Variants in EPB41 observed in about 807,000 individuals in gnomAD.
EPB41 encodes the protein protein 4.1.
In EPB41, 65 loss-of-function variants were observed where a neutral mutation model predicts 108.0. That is an observed-to-expected ratio of 0.60 (90% CI 0.49 to 0.74). EPB41 has a LOEUF of 0.74. Ranked by LOEUF, EPB41 falls within the 30% of genes least tolerant of loss-of-function variation. The pLI is 0.00. For synonymous variants in EPB41, 336 were observed against 358.9 expected, an observed-to-expected ratio of 0.94 and a Z score of 0.72; for missense variants, 875 against 1,037.0, an observed-to-expected ratio of 0.84 and a Z score of 2.15.
intron 1 of EPB41, among the ~76,000 whole-genome samples, chr1:28,936,842 T>C (rs1170687919): frequency 6.6e-6 from 1 of 152,252 alleles, no homozygotes; most frequent in African/African-American, 2.4e-5. Context: ...TTTGTGCTTT[T>C]TGGCTATTAT....
chr1:28,972,017 C>T (rs1288257752), intron 1 of EPB41, among the ~76,000 whole-genome samples: 1 of 152,120 alleles, frequency 6.6e-6, no homozygotes. Flanking sequence ...ACCTCAGGCT[C>T]ACCACCCCAT....
chr1:28,993,206 T>C, intron 2 of EPB41, 124 bp from the exon 3 acceptor site: 1 of 780,378 alleles, frequency 1.3e-6, no homozygotes, highest in East Asian at 2.5e-5. Context: ...ATATTTAATA[T>C]TAATGTCACC....
At chr1:29,054,589 C>A (rs777369385) in intron 12 of EPB41, 10 of 148,544 alleles carry the variant, frequency 6.7e-5, no homozygotes, top group Non-Finnish European at 1.3e-4. Context: ...GAGGCTCTCA[C>A]CTGTAATCCT....
At chr1:29,094,088 C>T (rs1279240885) in intron 16 of EPB41, among the ~76,000 whole-genome samples, 1 of 152,086 alleles carries the variant, frequency 6.6e-6, no homozygotes, top group Non-Finnish European at 1.5e-5. Context: ...TCAGTTATCC[C>T]AGCACCATTT....
intron 15 of EPB41, among the ~76,000 whole-genome samples, 179 bp downstream of exon 15, chr1:29,060,663 T>C (rs572142530): frequency 6.6e-6 from 1 of 152,358 alleles, no homozygotes; most frequent in East Asian, 1.9e-4. Flanking sequence ...CATCTCGCCT[T>C]CTGATTCTTT....
intron 1 of EPB41, among the ~76,000 whole-genome samples, chr1:28,944,534 GTTTTTTTTTT>G (rs55849161): frequency 1.8e-4 from 18 of 97,414 alleles, no homozygotes; most frequent in East Asian, 8.2e-4. Context: ...CTCAGATCTG[GTTTTTTTTTT>G]TTTTTTTTTT....
chr1:28,966,269 T>C (rs1404026968), intron 1 of EPB41, among the ~76,000 whole-genome samples: 2 of 152,318 alleles, frequency 1.3e-5, no homozygotes, highest in Non-Finnish European at 2.9e-5. Flanking sequence ...ACCTTGGATA[T>C]GTAAGTAAGC....
At chr1:29,007,414 G>C (rs2096424686) in intron 4 of EPB41, among the ~76,000 whole-genome samples, 1 of 152,146 alleles carries the variant, frequency 6.6e-6, no homozygotes, top group Admixed American at 6.5e-5. Flanking sequence ...GTGTGAGACT[G>C]ACGGATTTTA....
intron 1 of EPB41, among the ~76,000 whole-genome samples, chr1:28,922,002 C>T (rs1214439596): frequency 2.9e-5 from 3 of 102,576 alleles, no homozygotes; most frequent in African/African-American, 4.1e-5. Flanking sequence ...CGGAGTCTCT[C>T]TCTGTCACCC....
At position 29,115,645 on chromosome 1, in the gene EPB41, C is replaced by A; in HGVS notation, c.2497-54C>A. 3 of 1,433,962 alleles carry A rather than the reference C, an allele frequency of 2.1e-6. No individual in the cohort carries two copies. The highest frequency in any genetic ancestry group is 2.9e-6 in the Non-Finnish European group (3 of 1,018,598). 88.8% of individuals were successfully genotyped at this position (1,433,962 alleles called of 1,614,324 possible). ...TCAGAGAAATGATGACCACTGCCTT[C>A]CTTCGCCATCAGGCTATTTTCTGCC... On this transcript the variant is annotated intron_variant, in intron 19 of 20. Transcript: ENST00000343067. The surrounding 1 kb of genome is among the most constrained non-coding windows in gnomAD (Gnocchi z 4.4).
intron 1 of EPB41, among the ~76,000 whole-genome samples, chr1:28,969,534 G>A (rs1196383528): frequency 6.6e-6 from 1 of 152,008 alleles, no homozygotes; most frequent in East Asian, 1.9e-4. Flanking sequence ...AGGAGGCCGA[G>A]GCGGGTGGAT....
chr1:28,927,927 C>G (rs2093541757), intron 1 of EPB41, among the ~76,000 whole-genome samples: 1 of 152,126 alleles, frequency 6.6e-6, no homozygotes, highest in Non-Finnish European at 1.5e-5. Context: ...ACAGCAAGGA[C>G]TTTTGTTCCT....
chr1:29,031,914 G>GT (rs890553212), intron 8 of EPB41: 2 of 151,956 alleles, frequency 1.3e-5, no homozygotes, highest in African/African-American at 4.8e-5. Context: ...GGGGAACATG[G>GT]TGAAATCCCG....
rs139461346 is a variant in EPB41 at position 28,962,037 on chromosome 1, C to T, written c.-7-25394C>T. 3.8e-3 allele frequency among the ~76,000 whole-genome samples: 569 copies of T among 150,658 alleles called. 6 individuals are homozygous for T. Among genetic ancestry groups the T allele is most frequent in the African/African-American group, 0.013 (526 of 41,054 alleles). On this transcript the variant is annotated intron_variant, in intron 1 of 20. Coordinates refer to ENST00000343067, the MANE Select transcript of EPB41 (RefSeq NM_001376013.1). ...TTGGATTTTTTTTTTAATGGAGATA[C>T]TAGGGTGGTGCAAAAGTAATTGCTT...
At chr1:29,074,994 T>TA (rs774826290) in intron 16 of EPB41, among the ~76,000 whole-genome samples, 83 of 151,928 alleles carry the variant, frequency 5.5e-4, no homozygotes, top group Admixed American at 9.2e-4. Context: ...CCGTCTCTAC[T>TA]AAAAATACAA....
chr1:29,074,877 G>T (rs1191100754), intron 16 of EPB41, among the ~76,000 whole-genome samples: 1 of 152,206 alleles, frequency 6.6e-6, no homozygotes, highest in South Asian at 2.1e-4. Context: ...TCTTTTGTGT[G>T]TCCAGGCGCG....
intron 1 of EPB41, among the ~76,000 whole-genome samples, chr1:28,985,262 C>T (rs1008541746): frequency 2.0e-5 from 3 of 152,008 alleles, no homozygotes; most frequent in African/African-American, 7.3e-5. Context: ...CTGTGCCTGG[C>T]CTAAAACTTT....
Position 29,018,135 on chromosome 1 carries a change from C to T in EPB41, c.906-89C>T, listed in dbSNP as rs2096600481. On this transcript the variant is annotated intron_variant, in intron 6 of 20. Coordinates refer to ENST00000343067, the MANE Select transcript of EPB41 (RefSeq NM_001376013.1). The surrounding 1 kb of genome is among the most constrained non-coding windows in gnomAD (Gnocchi z 4.4). ...TGTGTCCTTATTTTTTCTCTCTCTC[C>T]CTTTCTGTTTCTCCCCTTTTCTCCT... 5.2e-6 allele frequency: 6 copies of T among 1,154,708 alleles called. No homozygotes were observed. In the East Asian group the frequency reaches 9.7e-5, roughly 19 times the overall value. The allele number at this position is 1,154,708 out of a possible 1,614,324, so 71.5% of individuals were successfully genotyped here. A position where few individuals can be genotyped will look rare whatever the true frequency, so the allele number is the denominator to read the frequency against.
At chr1:29,097,481 AT>A (rs1262570209) in intron 16 of EPB41, 8 of 374,086 alleles carry the variant, frequency 2.1e-5, no homozygotes, top group Non-Finnish European at 3.5e-5. Context: ...AGTGATTGCT[AT>A]TTGGCAAATC....
Sources: allele counts gnomAD v4.1 joint callset (sites outside exome capture counted in the v4.1 genomes callset), GRCh38; gene constraint gnomAD v4.1.1; non-coding constraint Gnocchi (gnomAD v3.1); transcripts MANE v1.5; gene names NCBI Gene and HGNC (gene_info 2026-07-23, HGNC 2026-07-21).